The following FNBP1 variants were observed in gnomAD, a reference collection of about 807,000 sequenced individuals.
FNBP1 encodes formin-binding protein 1.
Under a neutral mutation model 90.6 loss-of-function variants are expected in FNBP1, and 26 were observed. The observed-to-expected ratio is 0.29, with a 90% CI of 0.21 to 0.40. FNBP1 has a LOEUF of 0.40. Ranked by LOEUF, FNBP1 falls within the 10% of genes least tolerant of loss-of-function variation. FNBP1 has a pLI of 1.00. For missense variants in FNBP1, 635 were observed against 768.0 expected (o/e 0.83, Z 2.05); for synonymous variants, 260 against 265.2 (o/e 0.98, Z 0.19).
chr9:130,047,889 GTAGA>G (rs1407546040), upstream of FNBP1, among the ~76,000 whole-genome samples: 4 of 152,144 alleles, frequency 2.6e-5, no homozygotes, highest in Non-Finnish European at 2.9e-5. Context: ...TTATATAGCT[GTAGA>G]TAGATATGAG....
chr9:129,899,706 G>A (rs983898207), intron 15 of FNBP1, among the ~76,000 whole-genome samples: 1 of 150,432 alleles, frequency 6.6e-6, no homozygotes, highest in African/African-American at 2.4e-5. Flanking sequence ...TCTAACTTGG[G>A]CAAGAGAGCG....
At chr9:130,014,800 T>C (rs1460533469) in intron 1 of FNBP1, among the ~76,000 whole-genome samples, 1 of 151,968 alleles carries the variant, frequency 6.6e-6, no homozygotes, top group Non-Finnish European at 1.5e-5. Flanking sequence ...CTTAAGTGAA[T>C]AGAAAAAGCT....
At chr9:129,982,457 C>T (rs942206152) in intron 2 of FNBP1, among the ~76,000 whole-genome samples, 4 of 150,926 alleles carry the variant, frequency 2.7e-5, no homozygotes, top group East Asian at 1.9e-4. Context: ...GGCAACAGAG[C>T]GAGACTCCAT....
At chr9:129,951,206 C>T (rs2046115824) in intron 6 of FNBP1, among the ~76,000 whole-genome samples, 1 of 151,964 alleles carries the variant, frequency 6.6e-6, no homozygotes. Flanking sequence ...ATCCACCTGC[C>T]TCGGCCTCCC....
At chr9:129,944,137 TCTG>T (rs1236745575) in intron 6 of FNBP1, among the ~76,000 whole-genome samples, 1 of 152,104 alleles carries the variant, frequency 6.6e-6, no homozygotes, top group East Asian at 1.9e-4. Context: ...CTCTCTCCAG[TCTG>T]CTAACTGGGG....
At chr9:130,021,333 A>G (rs1187670328) in intron 1 of FNBP1, among the ~76,000 whole-genome samples, 1 of 152,240 alleles carries the variant, frequency 6.6e-6, no homozygotes, top group Non-Finnish European at 1.5e-5. Flanking sequence ...GTTTAAAAAA[A>G]GAACCAAATA....
At chr9:129,934,558 A>G (rs988216167) in intron 6 of FNBP1, among the ~76,000 whole-genome samples, 2 of 138,200 alleles carry the variant, frequency 1.4e-5, no homozygotes, top group African/African-American at 5.4e-5. Context: ...TGGCTTATAC[A>G]TGATTTCACT....
intron 1 of FNBP1, among the ~76,000 whole-genome samples, chr9:130,017,918 T>C (rs1192457378): frequency 7.0e-6 from 1 of 143,714 alleles, no homozygotes; most frequent in Non-Finnish European, 1.5e-5. Context: ...CACTCTTCTT[T>C]TTTTTTTTTT....
intron 11 of FNBP1, among the ~76,000 whole-genome samples, chr9:129,911,122 A>G (rs1275449664): frequency 6.6e-6 from 1 of 152,160 alleles, no homozygotes; most frequent in Non-Finnish European, 1.5e-5. Flanking sequence ...TCGGCCTCCC[A>G]ACGTCCTGGG....
intron 16 of FNBP1, among the ~76,000 whole-genome samples, chr9:129,891,467 G>GA (rs999134860): frequency 1.3e-5 from 2 of 151,450 alleles, no homozygotes; most frequent in African/African-American, 4.8e-5. Flanking sequence ...TTCAACTCCA[G>GA]AAAAAAAAGA....
chr9:129,931,521 G>A (rs1198432462), intron 6 of FNBP1, among the ~76,000 whole-genome samples: 1 of 151,984 alleles, frequency 6.6e-6, no homozygotes, highest in African/African-American at 2.4e-5. Context: ...CACGAGAATG[G>A]CGTGAACCCG....
intron 4 of FNBP1, among the ~76,000 whole-genome samples, chr9:129,958,890 G>A (rs756900323): frequency 1.4e-5 from 2 of 146,726 alleles, no homozygotes; most frequent in Non-Finnish European, 3.0e-5. Context: ...GCTGAGGTGG[G>A]AGGATCACCT....
In FNBP1 at chr9:129,888,430, C is replaced by A; in HGVS notation, c.*2109G>T. On this transcript the variant is annotated 3_prime_UTR_variant, in exon 17 of 17. Coordinates refer to ENST00000446176, the MANE Select transcript of FNBP1 (RefSeq NM_015033.3). ...GGGGACTGCCACACTCACCATGCAC[C>A]TGTTGGTTTGCAGGGACAGAGGTGC... The A allele has an allele frequency of 8.6e-6, 2 of 232,734 alleles. No homozygotes were observed. Among genetic ancestry groups the A allele is most frequent in the Non-Finnish European group, 1.7e-5 (2 of 117,752 alleles). The allele number at this position is 232,734 out of a possible 1,614,324, so 14.4% of individuals were successfully genotyped here.
chr9:129,972,308 A>G (rs1356914834), intron 4 of FNBP1, among the ~76,000 whole-genome samples: 1 of 151,464 alleles, frequency 6.6e-6, no homozygotes, highest in East Asian at 1.9e-4. Flanking sequence ...TAATTTTTAT[A>G]TTTTTAGTAA....
chr9:129,903,250 C>T (rs915929985), intron 12 of FNBP1, among the ~76,000 whole-genome samples: 1 of 152,132 alleles, frequency 6.6e-6, no homozygotes, highest in Admixed American at 6.6e-5. Context: ...TGGGGTTTTG[C>T]CACGTTGGCC....
At chr9:130,003,196 C>T (rs2055122075) in intron 1 of FNBP1, among the ~76,000 whole-genome samples, 1 of 152,084 alleles carries the variant, frequency 6.6e-6, no homozygotes, top group Admixed American at 6.6e-5. Context: ...ACGTGGCTCA[C>T]ACCTGTAATC....
intron 16 of FNBP1, chr9:129,895,262 T>A (rs1028790391): frequency 1.9e-6 from 2 of 1,057,216 alleles, no homozygotes; most frequent in Non-Finnish European, 1.1e-6. Context: ...AACACACACT[T>A]TTGGTGCCAA....
intron 7 of FNBP1, among the ~76,000 whole-genome samples, chr9:129,929,282 T>G (rs1224594260): frequency 6.6e-6 from 1 of 151,402 alleles, no homozygotes; most frequent in Admixed American, 6.6e-5. Flanking sequence ...CAGTGGTACG[T>G]GCCTGTAGTC....
At chr9:130,021,004 G>A (rs2131905561) in intron 1 of FNBP1, among the ~76,000 whole-genome samples, 1 of 152,232 alleles carries the variant, frequency 6.6e-6, no homozygotes, top group South Asian at 2.1e-4. Flanking sequence ...CATCACTGCT[G>A]CTTGCTTGGT....
Sources: gnomAD v4.1 joint callset for allele counts (sites outside exome capture counted in the v4.1 genomes callset) on GRCh38, gnomAD v4.1.1 for gene constraint, MANE v1.5 for transcripts, NCBI Gene and HGNC (gene_info 2026-07-23, HGNC 2026-07-21) for gene names.